Variants in SLC5A7 observed in about 807,000 individuals in gnomAD.
The protein encoded by SLC5A7 is solute carrier family 5 member 7.
SLC5A7 carries 19 observed loss-of-function variants against 55.4 expected under a neutral mutation model. The ratio of observed to expected loss-of-function variants is 0.34; its 90% CI spans 0.24 to 0.50. The LOEUF (loss-of-function observed/expected upper bound fraction) is 0.50, where lower values mean the gene tolerates loss of function less well. SLC5A7 is among the 20% of genes least tolerant of loss of function. The probability of loss-of-function intolerance (pLI) is 0.98; values close to 1 mark genes in which losing one functional copy is unlikely to be tolerated. For missense variants in SLC5A7, 506 were observed against 705.3 expected (o/e 0.72, Z 3.20); for synonymous variants, 265 against 263.7 (o/e 1.00, Z -0.05).
chr2:108,007,361 G>A (rs1044979955), intron 7 of SLC5A7, among the ~76,000 whole-genome samples: 26 of 151,982 alleles, frequency 1.7e-4, no homozygotes, highest in South Asian at 1.3e-3. Context: ...TCATCCAGGA[G>A]ACAGACACTT....
intron 2 of SLC5A7, among the ~76,000 whole-genome samples, chr2:107,989,339 C>T (rs1180783495): frequency 6.6e-6 from 1 of 152,132 alleles, no homozygotes; most frequent in East Asian, 1.9e-4. Flanking sequence ...AATGATTCAC[C>T]GTGTATATCA....
At chr2:108,003,327 A>G (rs569597289) in intron 6 of SLC5A7, among the ~76,000 whole-genome samples, 1 of 152,342 alleles carries the variant, frequency 6.6e-6, no homozygotes, top group Admixed American at 6.5e-5. Context: ...TAAGACCTCA[A>G]AGTCCTTTCC....
chr2:107,988,060 C>T (rs780183942), intron 1 of SLC5A7, 45 bp from the exon 2 acceptor site: 14 of 1,288,992 alleles, frequency 1.1e-5, no homozygotes, highest in Non-Finnish European at 1.4e-5. Flanking sequence ...CCTACATGTG[C>T]ATAGTGCTTG....
chr2:108,009,682 G>A (rs1470534911), intron 8 of SLC5A7, among the ~76,000 whole-genome samples: 1 of 152,136 alleles, frequency 6.6e-6, no homozygotes, highest in African/African-American at 2.4e-5. Flanking sequence ...TGGTATACAT[G>A]TGCCACATTT....
chr2:107,987,025 C>T (rs1028668545), intron 1 of SLC5A7, among the ~76,000 whole-genome samples: 1 of 152,040 alleles, frequency 6.6e-6, no homozygotes, highest in African/African-American at 2.4e-5. Context: ...AGGAACTTGC[C>T]TGCTTGGTTG....
At chr2:107,989,276 A>G (rs1677357035) in intron 2 of SLC5A7, among the ~76,000 whole-genome samples, 1 of 152,198 alleles carries the variant, frequency 6.6e-6, no homozygotes. Flanking sequence ...AAAATATCCC[A>G]TGGGAAATGA....
At chr2:108,009,869 T>G (rs1678249639) in intron 8 of SLC5A7, among the ~76,000 whole-genome samples, 1 of 152,166 alleles carries the variant, frequency 6.6e-6, no homozygotes, top group Non-Finnish European at 1.5e-5. Context: ...CTATGCTCTG[T>G]CAATGCCACA....
intron 3 of SLC5A7, among the ~76,000 whole-genome samples, 177 bp downstream of exon 3, chr2:107,992,396 AT>A (rs1191426497): frequency 6.6e-6 from 1 of 152,210 alleles, no homozygotes; most frequent in African/African-American, 2.4e-5. Context: ...TAATGCTTAA[AT>A]TATTTGATCT....
chr2:107,987,111 C>A (rs1479867506), intron 1 of SLC5A7, among the ~76,000 whole-genome samples: 1 of 151,940 alleles, frequency 6.6e-6, no homozygotes, highest in African/African-American at 2.4e-5. Flanking sequence ...CTGATTCTTT[C>A]CCCCAACGTC....
intron 1 of SLC5A7, 30 bp downstream of exon 1, chr2:107,986,793 A>G (rs1677257001): frequency 6.6e-6 from 1 of 151,474 alleles, no homozygotes; most frequent in Non-Finnish European, 1.5e-5. Flanking sequence ...TCCTGCGCCT[A>G]CGGGCCCGCA....
chr2:107,989,355 T>C (rs1677361371), intron 2 of SLC5A7, among the ~76,000 whole-genome samples: 1 of 152,234 alleles, frequency 6.6e-6, no homozygotes, highest in South Asian at 2.1e-4. Context: ...TATCAGATAG[T>C]TTACCAAACC....
intron 5 of SLC5A7, among the ~76,000 whole-genome samples, chr2:108,001,187 A>G (rs1573605497): frequency 6.6e-6 from 1 of 151,478 alleles, no homozygotes; most frequent in African/African-American, 2.4e-5. Context: ...ATATATCTCA[A>G]TAGCTACGTA....
intron 8 of SLC5A7, among the ~76,000 whole-genome samples, chr2:108,009,028 T>G (rs1678219327): frequency 6.6e-6 from 1 of 152,042 alleles, no homozygotes; most frequent in Admixed American, 6.6e-5. Flanking sequence ...TCTATGACAC[T>G]GGAAAATCTT....
chr2:108,001,824 G>A (rs1179956969), intron 5 of SLC5A7, 73 bp from the exon 6 acceptor site: 1 of 1,522,016 alleles, frequency 6.6e-7, no homozygotes, highest in Non-Finnish European at 9.0e-7. Flanking sequence ...CAGTGTGTGA[G>A]GTGTACAAAT....
rs1293460966 is a variant in SLC5A7, at chr2:107,993,814, TGA to T, written c.448+690_448+691del. Among the ~76,000 whole-genome samples, 5 of 152,254 alleles carry T rather than the reference TGA, an allele frequency of 3.3e-5. No individual in the cohort carries two copies. In the South Asian group the frequency reaches 8.3e-4, roughly 25 times the overall value. On this transcript the variant is annotated intron_variant, in intron 4 of 8. Transcript: ENST00000264047. ...GCAGTAAATAACATTCCTAAAGAAG[TGA>T]GATATCACCAACCCTCTGCTGACAG...
rs1222980876 is a variant in SLC5A7, at chr2:108,013,705, A to T, written c.*2844A>T. On this transcript the variant is annotated 3_prime_UTR_variant, in exon 9 of 9. Transcript: ENST00000264047. Reference sequence around the variant, plus strand: ...CCTGTGGATAAAACATTAGAAGAAAACATATATTTTATTTTCATACTTTTG... The same window carrying T: ...CCTGTGGATAAAACATTAGAAGAAATCATATATTTTATTTTCATACTTTTG... 6.6e-6 allele frequency: 1 copy of T among 152,136 alleles called. No homozygotes were observed. The highest frequency in any genetic ancestry group is 1.5e-5 in the Non-Finnish European group (1 of 67,996). The allele number at this position is 152,136 out of a possible 1,614,324, so 9.4% of individuals were successfully genotyped here. A position where few individuals can be genotyped will look rare whatever the true frequency, so the allele number is the denominator to read the frequency against.
intron 5 of SLC5A7, among the ~76,000 whole-genome samples, chr2:108,001,579 A>G (rs1011168385): frequency 1.3e-5 from 2 of 148,212 alleles, no homozygotes; most frequent in Middle Eastern, 6.9e-3. Flanking sequence ...AGGCTGAGGC[A>G]GGAGAATGGC....
Position 107,997,852 on chromosome 2 carries a change from G to C in SLC5A7, c.463G>C (p.Val155Leu), listed in dbSNP as rs775903161. Residue 155 changes from valine to leucine, a missense_variant, in exon 5 of 9, where the codon GTG (valine) becomes CTG (leucine). This residue lies in a region of SLC5A7 where 309 missense variants were observed against 478.6 expected (regional missense o/e 0.65). Transcript: ENST00000264047. ...GTTTGTTTCAGGAGCCACCATCAGC[G>C]TGATCATCGATGTGGATATGCACAT... ...IFSALGATIS[V>L]IIDVDMHISV... The C allele has an allele frequency of 1.9e-6, 3 of 1,608,870 alleles. No individual in the cohort carries two copies. The Admixed American group carries it at 5.0e-5, about 27-fold the overall frequency.
intron 2 of SLC5A7, among the ~76,000 whole-genome samples, chr2:107,989,421 T>C (rs911901189): frequency 6.6e-6 from 1 of 152,234 alleles, no homozygotes; most frequent in African/African-American, 2.4e-5. Flanking sequence ...AATCTGAAAC[T>C]TACAGTGTTC....
Sources: gnomAD v4.1 joint callset for allele counts (sites outside exome capture counted in the v4.1 genomes callset) on GRCh38, gnomAD v4.1.1 for gene constraint, gnomAD v4.1.1 regional missense constraint, MANE v1.5 for transcripts, NCBI Gene and HGNC (gene_info 2026-07-23, HGNC 2026-07-21) for gene names.